XIRP2: variants seen among roughly 807,000 people sequenced by gnomAD.
The protein encoded by XIRP2 is xin actin-binding repeat-containing protein 2.
A neutral mutation model predicts 277.0 loss-of-function variants in XIRP2; 236 were observed. That is an observed-to-expected ratio of 0.85 (90% confidence interval 0.77 to 0.95). XIRP2 has a LOEUF of 0.95. Among genes scored for constraint, XIRP2 ranks in the 40% least tolerant of loss-of-function variants. XIRP2 has a pLI of 0.00. For synonymous variants in XIRP2, 1,490 were observed against 1,416.5 expected, an observed-to-expected ratio of 1.05 and a Z score of -1.17; for missense variants, 4,640 against 4,157.5, an observed-to-expected ratio of 1.12 and a Z score of -3.19.
chr2:166,961,314 A>G (rs931464420), intron 2 of XIRP2, among the ~76,000 whole-genome samples: 8 of 151,788 alleles, frequency 5.3e-5, no homozygotes, highest in Non-Finnish European at 1.2e-4. Flanking sequence ...GCAGAATGTC[A>G]TCAAATTGAA....
intron 3 of XIRP2, among the ~76,000 whole-genome samples, chr2:167,187,837 C>G (rs1693203081): frequency 6.6e-6 from 1 of 151,670 alleles, no homozygotes; most frequent in Admixed American, 6.6e-5. Flanking sequence ...AGGGAAAGCA[C>G]AGAAAAAAAT....
intron 2 of XIRP2, among the ~76,000 whole-genome samples, chr2:167,071,754 G>A (rs1689442699): frequency 6.6e-6 from 1 of 152,186 alleles, no homozygotes; most frequent in South Asian, 2.1e-4. Flanking sequence ...TCTGGAAGCT[G>A]GCAGACCTTC....
intron 5 of XIRP2, among the ~76,000 whole-genome samples, chr2:167,234,546 A>G (rs1202378739): frequency 6.6e-6 from 1 of 151,704 alleles, no homozygotes; most frequent in Non-Finnish European, 1.5e-5. Context: ...GAAGCTCTAC[A>G]AGGTCACTCT....
chr2:167,098,221 A>G (rs1205796049), intron 2 of XIRP2, among the ~76,000 whole-genome samples: 1 of 151,924 alleles, frequency 6.6e-6, no homozygotes, highest in African/African-American at 2.4e-5. Context: ...ATATTCCCAT[A>G]TTTCTTGGAT....
Position 167,258,655 on chromosome 2 carries a change from T to G in XIRP2, c.*838T>G. The G allele has an allele frequency of 1.2e-6, 2 of 1,611,316 alleles. No individual in the cohort carries two copies. Among genetic ancestry groups the G allele is most frequent in the Non-Finnish European group, 1.7e-6 (2 of 1,178,850 alleles). On this transcript the variant is annotated 3_prime_UTR_variant, in exon 11 of 11. Transcript: ENST00000409195. Reference sequence around the variant, plus strand: ...TGATGCCAGAAAATCATAAAGAAAATTTGAATAAGAATAATAATAACAATT... The same window carrying G: ...TGATGCCAGAAAATCATAAAGAAAAGTTGAATAAGAATAATAATAACAATT...
intron 2 of XIRP2, among the ~76,000 whole-genome samples, chr2:167,077,915 T>C (rs1187826844): frequency 1.3e-5 from 2 of 152,250 alleles, no homozygotes; most frequent in Non-Finnish European, 2.9e-5. Flanking sequence ...ATATGATGCC[T>C]CTGGCTTTTT....
intron 2 of XIRP2, among the ~76,000 whole-genome samples, chr2:166,948,604 G>A (rs898409641): frequency 6.6e-6 from 1 of 151,986 alleles, no homozygotes; most frequent in African/African-American, 2.4e-5. Flanking sequence ...GTTCAGAGAG[G>A]TTAAGCAGTT....
intron 5 of XIRP2, 90 bp downstream of exon 5, chr2:167,218,390 A>G (rs1694322316): frequency 8.2e-7 from 1 of 1,220,414 alleles, no homozygotes; most frequent in Non-Finnish European, 1.1e-6. Flanking sequence ...CTTTAGTGAT[A>G]CATTTATTTT....
At chr2:166,967,259 T>A (rs555924132) in intron 2 of XIRP2, among the ~76,000 whole-genome samples, 1 of 151,838 alleles carries the variant, frequency 6.6e-6, no homozygotes, top group Admixed American at 6.6e-5. Flanking sequence ...CTGTTAAAAG[T>A]CAAAATATCC....
chr2:167,146,511 G>A (rs183732116), intron 3 of XIRP2, among the ~76,000 whole-genome samples: 14,245 of 149,006 alleles, frequency 0.096, 739 homozygotes, highest in South Asian at 0.14. Context: ...AAAAAAAAAA[G>A]AAAGAAAGAA....
rs570700702 is a variant in XIRP2 at position 167,211,975 on chromosome 2, G to C, written c.723+1080G>C. Among the ~76,000 whole-genome samples the C allele has an allele frequency of 1.9e-3, 286 of 152,122 alleles. 2 individuals are homozygous for C. The highest frequency in any genetic ancestry group is 2.7e-3 in the Non-Finnish European group (181 of 67,968). On this transcript the variant is annotated intron_variant, in intron 4 of 10. Coordinates refer to ENST00000409195, the MANE Select transcript of XIRP2 (RefSeq NM_152381.6). Reference sequence around the variant, plus strand: ...TGTATGAGAGAGGGAGACAGAGAAAGAGAGAGAGAGAAAAGCCAAAAAAGG... The same window carrying C: ...TGTATGAGAGAGGGAGACAGAGAAACAGAGAGAGAGAAAAGCCAAAAAAGG...
rs1695441959 is a variant in XIRP2 at position 167,250,311 on chromosome 2, T to C, written c.8919T>C (p.Leu2973=). ...QFEAEPNKSG[L]KTFQTLLNTI... ...AAGCAGAGCCAAATAAAAGTGGCCT[T>C]AAAACATTTCAGACACTATTAAATA... The change falls in exon 9 of 11, where the codon CTT becomes CTC. Residue 2973 remains leucine (L), a synonymous_variant. Transcript: ENST00000409195. 6.2e-7 allele frequency: 1 copy of C among 1,613,266 alleles called. No individual in the cohort carries two copies. Among genetic ancestry groups the C allele is most frequent in the Non-Finnish European group, 8.5e-7 (1 of 1,179,634 alleles).
chr2:167,151,941 T>G (rs2105332221), intron 3 of XIRP2, among the ~76,000 whole-genome samples: 1 of 152,236 alleles, frequency 6.6e-6, no homozygotes, highest in South Asian at 2.1e-4. Context: ...TCTGAGCTGT[T>G]TATGTGTTAG....
In XIRP2 at chr2:167,248,594, C is replaced by A. The variant is rs753576518; in HGVS notation, c.7202C>A (p.Ala2401Asp). ...DFMQQYSQKE[A>D]SNSQNSQAKI... Reference sequence around the variant, plus strand: ...ATGCAACAATATTCCCAAAAAGAAGCCTCGAACTCTCAGAATTCTCAGGCT... The same window carrying A: ...ATGCAACAATATTCCCAAAAAGAAGACTCGAACTCTCAGAATTCTCAGGCT... The change falls in exon 9 of 11, where the codon GCC (alanine) becomes GAC (aspartate). Residue 2401 changes from alanine to aspartate, a missense_variant. Transcript: ENST00000409195. The A allele has an allele frequency of 1.2e-6, 2 of 1,613,614 alleles. No homozygotes were observed. Among genetic ancestry groups the A allele is most frequent in the South Asian group, 1.1e-5 (1 of 91,070 alleles).
intron 3 of XIRP2, among the ~76,000 whole-genome samples, chr2:167,201,224 AAGAAAGAAAGAAAG>A (rs1693688964): frequency 8.7e-6 from 1 of 114,982 alleles, no homozygotes; most frequent in African/African-American, 4.6e-5. Flanking sequence ...GAAAGAAAGA[AAGAAAGAAAGAAAG>A]AAAGAAAGAA....
At chr2:167,193,737 G>A (rs962572314) in intron 3 of XIRP2, among the ~76,000 whole-genome samples, 2 of 151,906 alleles carry the variant, frequency 1.3e-5, no homozygotes, top group African/African-American at 4.8e-5. Context: ...AATTAGCCAG[G>A]TGTGGTGGTG....
chr2:167,001,831 T>C (rs1311595527), intron 2 of XIRP2, among the ~76,000 whole-genome samples: 2 of 152,130 alleles, frequency 1.3e-5, no homozygotes, highest in African/African-American at 4.8e-5. Flanking sequence ...TAAAGAATCA[T>C]AAACAATTAA....
chr2:167,055,152 G>T (rs1019701793), intron 2 of XIRP2, among the ~76,000 whole-genome samples: 5 of 152,042 alleles, frequency 3.3e-5, no homozygotes, highest in African/African-American at 1.2e-4. Flanking sequence ...TCTTTTTATC[G>T]TACCTTAGTA....
In XIRP2 at chr2:167,243,223, G is replaced by A; in HGVS notation, c.1831G>A (p.Gly611Ser). The A allele has an allele frequency of 1.2e-6, 2 of 1,614,084 alleles. No individual in the cohort carries two copies. Among genetic ancestry groups the A allele is most frequent in the South Asian group, 1.1e-5 (1 of 91,068 alleles). The change falls in exon 9 of 11, where the codon GGT becomes AGT. Residue 611 changes from glycine (G) to serine (S), a missense_variant. Gly to Ser is a moderately conservative substitution (Grantham distance 56). Transcript: ENST00000409195. ...CATTGCTGATCAAGAAATCATTGCT[G>A]GTGGTGATGTGAAATATACCACATG... is the stretch of plus-strand genomic sequence containing the variant. Reference protein sequence around the residue: ...RGIADQEIIAGGDVKYTTWMF... With the variant: ...RGIADQEIIASGDVKYTTWMF...
Sources: allele counts gnomAD v4.1 joint callset (sites outside exome capture counted in the v4.1 genomes callset), GRCh38; gene constraint gnomAD v4.1.1; transcripts MANE v1.5; gene names NCBI Gene and HGNC (gene_info 2026-07-23, HGNC 2026-07-21).